The following GPD2 variants were observed in gnomAD, a reference collection of about 807,000 sequenced individuals.
GPD2 encodes the protein glycerol-3-phosphate dehydrogenase 2, also known as glycerol-3-phosphate dehydrogenase, mitochondrial.
In GPD2, 54 loss-of-function variants were observed where a neutral mutation model predicts 82.4. The observed-to-expected ratio is 0.66, with a 90% CI of 0.53 to 0.82. The LOEUF (loss-of-function observed/expected upper bound fraction) is 0.82. GPD2 is among the 40% of genes least tolerant of loss of function. The pLI is 0.00. For synonymous variants in GPD2, 288 were observed against 306.1 expected (o/e 0.94, Z 0.62); for missense variants, 748 against 896.2 (o/e 0.83, Z 2.11).
intron 6 of GPD2, among the ~76,000 whole-genome samples, chr2:156,523,567 T>C (rs908799596): frequency 6.6e-6 from 1 of 152,158 alleles, no homozygotes; most frequent in Non-Finnish European, 1.5e-5. Flanking sequence ...CACTCCCCAC[T>C]ATAACAAATG....
chr2:156,403,529 T>C, the GPD2 span, among the ~76,000 whole-genome samples: 1 of 152,080 alleles, frequency 6.6e-6, no homozygotes, highest in Non-Finnish European at 1.5e-5. Flanking sequence ...ATGCAGACTT[T>C]TGGTTAGGTA....
intron 3 of GPD2, among the ~76,000 whole-genome samples, chr2:156,503,697 A>G (rs1684675708): frequency 6.6e-6 from 1 of 152,178 alleles, no homozygotes; most frequent in South Asian, 2.1e-4. Context: ...TTGTTTTTAA[A>G]GCGAGATGGT....
intron 6 of GPD2, among the ~76,000 whole-genome samples, chr2:156,540,184 G>A (rs1013115355): frequency 3.3e-5 from 5 of 152,184 alleles, no homozygotes; most frequent in Non-Finnish European, 7.4e-5. Flanking sequence ...CACAACCAGT[G>A]CACCGAAGAC....
chr2:156,441,742 C>T (rs755157868), intron 1 of GPD2, among the ~76,000 whole-genome samples: 3 of 152,102 alleles, frequency 2.0e-5, no homozygotes, highest in Admixed American at 6.5e-5. Context: ...TGGGACTGAG[C>T]CCTTACCCTG....
chr2:156,488,576 A>G (rs1684032498), intron 2 of GPD2, among the ~76,000 whole-genome samples: 1 of 151,402 alleles, frequency 6.6e-6, no homozygotes, highest in Non-Finnish European at 1.5e-5. Flanking sequence ...TAATTATTAG[A>G]TCTTGTTTTT....
chr2:156,403,477 C>T, the GPD2 span, among the ~76,000 whole-genome samples: 1 of 151,898 alleles, frequency 6.6e-6, no homozygotes, highest in East Asian at 1.9e-4. Flanking sequence ...GGTGATCCAG[C>T]AGGAAAATAG....
chr2:156,429,882 C>T, the GPD2 span, among the ~76,000 whole-genome samples: 1 of 152,132 alleles, frequency 6.6e-6, no homozygotes, highest in African/African-American at 2.4e-5. Flanking sequence ...TCTGATCCTG[C>T]TCAAGGATTT....
chr2:156,485,008 T>C (rs758590559), intron 2 of GPD2, among the ~76,000 whole-genome samples: 1 of 152,246 alleles, frequency 6.6e-6, no homozygotes, highest in Non-Finnish European at 1.5e-5. Context: ...AGTGAGATCA[T>C]ACAGTATTTG....
chr2:156,498,713 A>G (rs1684477878), intron 3 of GPD2, among the ~76,000 whole-genome samples: 1 of 152,160 alleles, frequency 6.6e-6, no homozygotes. Flanking sequence ...GAACAGTCAT[A>G]AGCATAGGCT....
intron 1 of GPD2, among the ~76,000 whole-genome samples, chr2:156,450,187 A>G (rs1330601466): frequency 6.6e-6 from 1 of 152,190 alleles, no homozygotes; most frequent in East Asian, 1.9e-4. Flanking sequence ...GCTGGGAGAG[A>G]GGCAGACTTG....
chr2:156,404,652 C>T, the GPD2 span, among the ~76,000 whole-genome samples: 5 of 140,926 alleles, frequency 3.5e-5, no homozygotes, highest in South Asian at 1.1e-3. Flanking sequence ...ACCAGCCTGG[C>T]CAATGTGTGA....
intron 9 of GPD2, among the ~76,000 whole-genome samples, chr2:156,560,483 A>C (rs948381262): frequency 6.6e-6 from 1 of 152,230 alleles, no homozygotes; most frequent in Non-Finnish European, 1.5e-5. Flanking sequence ...AGAGTCCTCC[A>C]GGGTAAAAAG....
intron 9 of GPD2, among the ~76,000 whole-genome samples, chr2:156,560,106 A>G (rs991652790): frequency 6.6e-6 from 1 of 152,230 alleles, no homozygotes; most frequent in Non-Finnish European, 1.5e-5. Context: ...TAAAGTTCAA[A>G]TGCAGCGAGG....
intron 1 of GPD2, among the ~76,000 whole-genome samples, chr2:156,451,452 G>T: frequency 8.8e-6 from 1 of 113,296 alleles, no homozygotes; most frequent in African/African-American, 3.3e-5. Context: ...GGACGGGGCG[G>T]CTGGCCGGGC....
the GPD2 span, among the ~76,000 whole-genome samples, chr2:156,419,253 T>C: frequency 6.6e-6 from 1 of 151,842 alleles, no homozygotes; most frequent in Non-Finnish European, 1.5e-5. Flanking sequence ...GAGACGAGGG[T>C]TCTCCATGTT....
the GPD2 span, among the ~76,000 whole-genome samples, chr2:156,401,157 G>A: frequency 2.6e-5 from 4 of 152,144 alleles, no homozygotes; most frequent in African/African-American, 4.8e-5. Flanking sequence ...TGCATTGGCC[G>A]GGAATCGAAC....
At chr2:156,578,372 CTT>C (rs796774498) in intron 13 of GPD2, among the ~76,000 whole-genome samples, 3 of 146,008 alleles carry the variant, frequency 2.1e-5, no homozygotes, top group Admixed American at 6.9e-5. Context: ...CCTTTAATTA[CTT>C]TTTTTTTTTT....
At chr2:156,468,507 G>A (rs1181353055) in intron 1 of GPD2, among the ~76,000 whole-genome samples, 1 of 152,142 alleles carries the variant, frequency 6.6e-6, no homozygotes, top group Non-Finnish European at 1.5e-5. Context: ...CTGCACAGAT[G>A]AAGTGTAAGG....
intron 1 of GPD2, among the ~76,000 whole-genome samples, chr2:156,442,450 A>G (rs893119959): frequency 1.3e-5 from 2 of 152,252 alleles, no homozygotes; most frequent in African/African-American, 4.8e-5. Flanking sequence ...TTCAAAAGTG[A>G]TGAAAATAAT....
Sources: allele counts gnomAD v4.1 joint callset (sites outside exome capture counted in the v4.1 genomes callset), GRCh38; gene constraint gnomAD v4.1.1; transcripts MANE v1.5; gene names NCBI Gene and HGNC (gene_info 2026-07-23, HGNC 2026-07-21).